The following ZFYVE28 variants were observed in gnomAD, a reference collection of about 807,000 sequenced individuals.
The protein encoded by ZFYVE28 is lateral signaling target protein 2 homolog.
In ZFYVE28, 40 loss-of-function variants were observed where a neutral mutation model predicts 82.1. The observed-to-expected ratio is 0.49, with a 90% CI of 0.38 to 0.63. The LOEUF (loss-of-function observed/expected upper bound fraction) is 0.63, where lower values mean the gene tolerates loss of function less well. Ranked by LOEUF, ZFYVE28 falls within the 30% of genes least tolerant of loss-of-function variation. The pLI, the probability that ZFYVE28 is intolerant of heterozygous loss-of-function variation, is 0.00. For missense variants in ZFYVE28, 1,321 were observed against 1,242.1 expected (o/e 1.06, Z -0.96); for synonymous variants, 612 against 546.1 (o/e 1.12, Z -1.68).
At chr4:2,312,103 G>A (rs567164278) in intron 7 of ZFYVE28, among the ~76,000 whole-genome samples, 3 of 152,246 alleles carry the variant, frequency 2.0e-5, no homozygotes, top group Admixed American at 2.0e-4. Flanking sequence ...GCTGAGGTGG[G>A]AGAATTGCCT....
chr4:2,415,666 C>T (rs1354063148), intron 1 of ZFYVE28, among the ~76,000 whole-genome samples: 1 of 152,078 alleles, frequency 6.6e-6, no homozygotes, highest in South Asian at 2.1e-4. Context: ...TCTTCCAGGC[C>T]CAGAATCTTC....
Position 2,372,529 on chromosome 4 carries a change from C to T in ZFYVE28, c.40-18456G>A, listed in dbSNP as rs532395127. ...TCGAGGCCTCCTAGCCCCTCCAGCA[C>T]GGCACCATGCCCTATCACCCCATCA... On this transcript the variant is annotated intron_variant, in intron 1 of 12. Coordinates refer to ENST00000290974, the MANE Select transcript of ZFYVE28 (RefSeq NM_020972.3). The surrounding 1 kb of genome is among the most constrained non-coding windows in gnomAD (Gnocchi z 5.2). 4.3e-4 allele frequency among the ~76,000 whole-genome samples: 66 copies of T among 152,240 alleles called. No individual in the cohort carries two copies. Among genetic ancestry groups the T allele is most frequent in the African/African-American group, 1.4e-3 (58 of 41,548 alleles).
At chr4:2,331,060 G>A (rs1267824752) in intron 6 of ZFYVE28, 48 of 1,426,294 alleles carry the variant, frequency 3.4e-5, no homozygotes, top group Non-Finnish European at 4.4e-5. Context: ...TGGGGAGGAA[G>A]GCAGGGGTAG....
Position 2,305,225 on chromosome 4 carries a change from C to T in ZFYVE28, c.1115G>A (p.Arg372Lys), listed in dbSNP as rs1439381553. The T allele has an allele frequency of 6.2e-7, 1 of 1,610,232 alleles. No homozygotes were observed. Among genetic ancestry groups the T allele is most frequent in the Non-Finnish European group, 8.5e-7 (1 of 1,178,118 alleles). The change falls in exon 8 of 13, where the codon AGG becomes AAG. Residue 372 changes from arginine (R) to lysine (K), a missense_variant. This residue lies in a region of ZFYVE28 where 978 missense variants were observed against 833.7 expected (regional missense o/e 1.17). Transcript: ENST00000290974. ...PPIACQSPAH[R>K]PGAEGSPGGE... ...GCCTGGGCTGCCCTCCGCTCCTGGC[C>T]TGTGAGCTGGGGACTGGCAGGCAAT... is the stretch of plus-strand genomic sequence containing the variant.
chr4:2,359,733 A>G (rs1725849045), intron 1 of ZFYVE28, among the ~76,000 whole-genome samples: 1 of 152,158 alleles, frequency 6.6e-6, no homozygotes, highest in Admixed American at 6.5e-5. Context: ...CCTGTGTGGA[A>G]GGCCCAGAAG....
At chr4:2,369,514 T>C (rs369332792) in intron 1 of ZFYVE28, among the ~76,000 whole-genome samples, 1 of 152,172 alleles carries the variant, frequency 6.6e-6, no homozygotes, top group East Asian at 1.9e-4. Flanking sequence ...TGTGTGAATA[T>C]GACTGTTTTT....
At chr4:2,338,163 C>G (rs893557838) in intron 4 of ZFYVE28, among the ~76,000 whole-genome samples, 2 of 152,246 alleles carry the variant, frequency 1.3e-5, no homozygotes, top group Non-Finnish European at 2.9e-5. Context: ...AACCTCCGCA[C>G]GTGGACCTCC....
chr4:2,368,211 C>CAAAAACA (rs1727095678), intron 1 of ZFYVE28, among the ~76,000 whole-genome samples: 1 of 86,156 alleles, frequency 1.2e-5, no homozygotes, highest in South Asian at 4.8e-4. Context: ...CACATCTCTA[C>CAAAAACA]AAAAAAAAAA....
chr4:2,334,936 G>A (rs1281090259), intron 6 of ZFYVE28, among the ~76,000 whole-genome samples: 1 of 148,070 alleles, frequency 6.8e-6, no homozygotes, highest in Non-Finnish European at 1.5e-5. Context: ...CATCCGCCTG[G>A]CAGGGGCATG....
chr4:2,397,586 G>A (rs1394103056), intron 1 of ZFYVE28, among the ~76,000 whole-genome samples: 1 of 150,430 alleles, frequency 6.6e-6, no homozygotes, highest in African/African-American at 2.5e-5. Flanking sequence ...ACTCACGCCC[G>A]CTCCCCTCCC....
At position 2,417,458 on chromosome 4, in the gene ZFYVE28, G is replaced by A. The variant is rs1560368625; in HGVS notation, c.39+827C>T. ...CGCTGAGGCACGGGGCGCGCCGCCC[G>A]GACCCCGACCCCGCGGCGCTAGGAG... On this transcript the variant is annotated intron_variant, in intron 1 of 12. Coordinates refer to ENST00000290974, the MANE Select transcript of ZFYVE28 (RefSeq NM_020972.3). The surrounding 1 kb of genome is among the most constrained non-coding windows in gnomAD (Gnocchi z 4.8). Among the ~76,000 whole-genome samples, 1 of 150,412 alleles carries A rather than the reference G, an allele frequency of 6.6e-6. No homozygotes were observed. Among genetic ancestry groups the A allele is most frequent in the Non-Finnish European group, 1.5e-5 (1 of 67,474 alleles).
intron 1 of ZFYVE28, among the ~76,000 whole-genome samples, chr4:2,354,312 A>C (rs1177692081): frequency 6.6e-6 from 1 of 152,134 alleles, no homozygotes. Flanking sequence ...ATTTCACCCC[A>C]GGACTGTGGG....
chr4:2,303,724 C>T (rs554873947), intron 8 of ZFYVE28, among the ~76,000 whole-genome samples: 15 of 152,298 alleles, frequency 9.8e-5, no homozygotes, highest in Non-Finnish European at 1.5e-4. Context: ...GGGGCAGAGG[C>T]CCTGGGAACA....
At chr4:2,312,599 G>T (rs1257362865) in intron 7 of ZFYVE28, among the ~76,000 whole-genome samples, 2 of 151,548 alleles carry the variant, frequency 1.3e-5, no homozygotes, top group Non-Finnish European at 2.9e-5. Flanking sequence ...GTGGTGGCGG[G>T]CGCCTGTAGT....
chr4:2,354,453 ATTT>A (rs11454323), intron 1 of ZFYVE28, among the ~76,000 whole-genome samples: 4 of 122,510 alleles, frequency 3.3e-5, no homozygotes, highest in Admixed American at 1.8e-4. Context: ...CTCTCAGGAA[ATTT>A]TTTTTTTTTT....
chr4:2,408,358 C>T lies in ZFYVE28; in HGVS notation c.39+9927G>A, dbSNP rs893649752. The stretch of plus-strand genomic sequence containing the variant: ...GAGAAGTGGAGGTGACAGCCCCCCC[C>T]ATTTAATGGGGGCTGGCCCTATGGA... On this transcript the variant is annotated intron_variant, in intron 1 of 12. Transcript: ENST00000290974. This position sits in a 1 kb window ranked among gnomAD's most constrained non-coding sequence, Gnocchi z 4.3. Among the ~76,000 whole-genome samples the T allele has an allele frequency of 6.6e-6, 1 of 152,124 alleles. No individual in the cohort carries two copies. The highest frequency in any genetic ancestry group is 2.4e-5 in the African/African-American group (1 of 41,426).
intron 2 of ZFYVE28, among the ~76,000 whole-genome samples, chr4:2,350,095 G>T (rs780565858): frequency 1.3e-5 from 2 of 151,828 alleles, no homozygotes; most frequent in Admixed American, 6.6e-5. Context: ...AGGAAGAAGT[G>T]AAGATTATCT....
intron 6 of ZFYVE28, among the ~76,000 whole-genome samples, chr4:2,327,288 ATATATATATATATATATATATC>A (rs1243348079): frequency 5.5e-5 from 2 of 36,640 alleles, no homozygotes; most frequent in South Asian, 8.2e-4. Context: ...ATATATATAT[ATATATATATATATATATATATC>A]GAATAAAGTT....
chr4:2,418,371 G>T lies in ZFYVE28; in HGVS notation c.-48C>A. ...CTCCGGGCGGCCCTCGCCCTCCGCA[G>T]CGCTGCGCCCGGGCCCGGCTGAGGC... On this transcript the variant is annotated 5_prime_UTR_variant, in exon 1 of 13. It adds an upstream start codon to the 5' untranslated region. Coordinates refer to ENST00000290974, the MANE Select transcript of ZFYVE28 (RefSeq NM_020972.3). This position sits in a 1 kb window ranked among gnomAD's most constrained non-coding sequence, Gnocchi z 4.6. The T allele has an allele frequency of 1.5e-6, 2 of 1,349,278 alleles. No individual in the cohort carries two copies. Among genetic ancestry groups the T allele is most frequent in the Non-Finnish European group, 9.6e-7 (1 of 1,040,584 alleles). The allele number at this position is 1,349,278 out of a possible 1,614,324, so 83.6% of individuals were successfully genotyped here.
Sources: allele counts gnomAD v4.1 joint callset (sites outside exome capture counted in the v4.1 genomes callset), GRCh38; gene constraint gnomAD v4.1.1; regional missense constraint gnomAD v4.1.1; non-coding constraint Gnocchi (gnomAD v3.1); transcripts MANE v1.5; gene names NCBI Gene and HGNC (gene_info 2026-07-23, HGNC 2026-07-21).